The following PCDH15 variants were observed in gnomAD, a reference collection of about 807,000 sequenced individuals.
The protein encoded by PCDH15 is protocadherin related 15, also known as protocadherin-15.
Under a neutral mutation model 178.5 loss-of-function variants are expected in PCDH15, and 129 were observed. The observed-to-expected ratio is 0.72, with a 90% CI of 0.63 to 0.84. PCDH15 has a LOEUF of 0.84. Among genes scored for constraint, PCDH15 ranks in the 40% least tolerant of loss-of-function variants. The probability of loss-of-function intolerance (pLI) is 0.00; values close to 1 mark genes in which losing one functional copy is unlikely to be tolerated. For missense variants in PCDH15, 2,230 were observed against 2,099.9 expected, an observed-to-expected ratio of 1.06 and a Z score of -1.21; for synonymous variants, 800 against 732.0, an observed-to-expected ratio of 1.09 and a Z score of -1.50.
chr10:53,981,794 G>A (rs2090665063), intron 21 of PCDH15, among the ~76,000 whole-genome samples: 2 of 151,642 alleles, frequency 1.3e-5, no homozygotes, highest in South Asian at 2.1e-4. Context: ...AAAAGCAATG[G>A]CAACAAAAGG....
chr10:55,432,119 A>G (rs558912502), intron 2 of PCDH15, among the ~76,000 whole-genome samples: 2 of 151,760 alleles, frequency 1.3e-5, no homozygotes, highest in South Asian at 4.2e-4. Flanking sequence ...ACACACCACA[A>G]GTCTCTCCAA....
intron 2 of PCDH15, among the ~76,000 whole-genome samples, chr10:55,005,024 A>G (rs1290389344): frequency 6.6e-6 from 1 of 152,016 alleles, no homozygotes; most frequent in Non-Finnish European, 1.5e-5. Context: ...AAATTTTTAG[A>G]CTTGATAAAA....
At chr10:53,929,116 A>G (rs547088325) in intron 25 of PCDH15, among the ~76,000 whole-genome samples, 9 of 151,858 alleles carry the variant, frequency 5.9e-5, no homozygotes, top group African/African-American at 2.2e-4. Context: ...ATTATATATC[A>G]TTGTCATCAG....
intron 21 of PCDH15, among the ~76,000 whole-genome samples, chr10:53,981,136 C>T (rs1180309548): frequency 6.6e-6 from 1 of 152,064 alleles, no homozygotes; most frequent in East Asian, 1.9e-4. Context: ...TATAATTCTA[C>T]AGAGTAATAA....
chr10:53,832,679 GA>G (rs1483445687), intron 29 of PCDH15, among the ~76,000 whole-genome samples: 1 of 150,654 alleles, frequency 6.6e-6, no homozygotes. Flanking sequence ...AAATGCAAAA[GA>G]AAAAATTAAA....
At chr10:55,548,401 T>C (rs537354611) in intron 2 of PCDH15, among the ~76,000 whole-genome samples, 1 of 152,172 alleles carries the variant, frequency 6.6e-6, no homozygotes, top group South Asian at 2.1e-4. Flanking sequence ...CTTGTTTCAA[T>C]CCCAAGGAAT....
intron 25 of PCDH15, among the ~76,000 whole-genome samples, chr10:53,924,272 A>T (rs2133907786): frequency 6.6e-6 from 1 of 152,344 alleles, no homozygotes; most frequent in Middle Eastern, 3.4e-3. Context: ...CTCCGCACTC[A>T]GAGCGGCCGG....
chr10:55,066,389 AT>A (rs926186494), intron 2 of PCDH15, among the ~76,000 whole-genome samples: 19 of 149,212 alleles, frequency 1.3e-4, no homozygotes, highest in East Asian at 3.9e-4. Context: ...AGTAACATTT[AT>A]TTTTTTTTAA....
At chr10:54,699,383 G>T (rs1198207473) in intron 1 of PCDH15, among the ~76,000 whole-genome samples, 1 of 152,050 alleles carries the variant, frequency 6.6e-6, no homozygotes, top group Non-Finnish European at 1.5e-5. Flanking sequence ...TAGATGTCAT[G>T]TAAACTGAAT....
At chr10:53,930,351 G>A (rs959208187) in intron 25 of PCDH15, among the ~76,000 whole-genome samples, 3 of 149,002 alleles carry the variant, frequency 2.0e-5, no homozygotes, top group African/African-American at 4.9e-5. Flanking sequence ...CCAGCTACTC[G>A]GGAGGCTGAG....
intron 2 of PCDH15, among the ~76,000 whole-genome samples, chr10:55,107,584 T>C (rs568703408): frequency 6.8e-6 from 1 of 146,392 alleles, no homozygotes; most frequent in South Asian, 2.2e-4. Context: ...CTCTGCCTCC[T>C]GGGTTCAAGC....
intron 8 of PCDH15, among the ~76,000 whole-genome samples, chr10:54,256,238 C>A (rs1161923569): frequency 6.6e-6 from 1 of 151,992 alleles, no homozygotes; most frequent in East Asian, 1.9e-4. Context: ...TCACCTAAGA[C>A]CCTGGAGTGC....
chr10:54,661,293 T>C (rs2094486757), intron 2 of PCDH15, among the ~76,000 whole-genome samples: 1 of 151,942 alleles, frequency 6.6e-6, no homozygotes, highest in African/African-American at 2.4e-5. Context: ...ATTTCATTTA[T>C]AATAGACACA....
rs1411262816 is a variant in PCDH15 at position 53,840,339 on chromosome 10, C to G, written c.3964G>C (p.Asp1322His). ...ACTTACTTAAAAAGCTCATTTCTAT[C>G]GATGGCTCTGTTGGTTTGGGGGTCA... The part of the protein sequence containing the change: ...AIDPQTNRAI[D>H]RNELFKFLDG... The change falls in exon 29 of 38, where the codon GAT (aspartate) becomes CAT (histidine). Residue 1322 changes from aspartate (D) to histidine (H), a missense_variant. Asp to His is a moderately conservative substitution (Grantham distance 81). Transcript: ENST00000644397. 3.1e-6 allele frequency: 5 copies of G among 1,614,042 alleles called. No individual in the cohort carries two copies. Among genetic ancestry groups the G allele is most frequent in the East Asian group, 4.5e-5 (2 of 44,888 alleles).
Position 55,084,685 on chromosome 10 carries a change from G to T in PCDH15, c.-80+81891C>A, listed in dbSNP as rs1241363762. On this transcript the variant is annotated intron_variant, in intron 2 of 5. Transcript: ENST00000458638. ...TTTGCTAACTATCCATCTAACAAGG[G>T]ATTAATAACCAGAATATATAAGGAG... Among the ~76,000 whole-genome samples the T allele has an allele frequency of 3.3e-5, 5 of 151,932 alleles. No individual in the cohort carries two copies. In the East Asian group the frequency reaches 7.7e-4, roughly 23 times the overall value.
intron 2 of PCDH15, among the ~76,000 whole-genome samples, chr10:54,914,931 A>C (rs2131838302): frequency 6.6e-6 from 1 of 152,352 alleles, no homozygotes; most frequent in East Asian, 1.9e-4. Context: ...GCAGAGCAGA[A>C]AAAGCAAAGA....
chr10:54,268,511 T>C (rs965112995), intron 8 of PCDH15, among the ~76,000 whole-genome samples: 2 of 151,946 alleles, frequency 1.3e-5, no homozygotes, highest in African/African-American at 2.4e-5. Context: ...GAATCAACAT[T>C]GGTTTCCAAC....
At chr10:53,918,713 AACACAC>A (rs5741702) in intron 25 of PCDH15, among the ~76,000 whole-genome samples, 5,477 of 146,828 alleles carry the variant, frequency 0.037, 82 homozygotes, top group African/African-American at 0.043. Flanking sequence ...CAAATACACA[AACACAC>A]ACACACACAC....
Position 53,846,712 on chromosome 10 carries a change from A to G in PCDH15, c.3807-6216T>C, listed in dbSNP as rs571947222. 5.1e-4 allele frequency among the ~76,000 whole-genome samples: 77 copies of G among 152,174 alleles called. 2 individuals carry two copies. The South Asian group carries it at 0.014, about 28-fold the overall frequency. ...TATACATCTTCAATTAGTTTCAACT[A>G]GAAATTGCATTATGAAAAACTGTAG... On this transcript the variant is annotated intron_variant, in intron 28 of 37. Transcript: ENST00000644397.
Sources: gnomAD v4.1 joint callset for allele counts (sites outside exome capture counted in the v4.1 genomes callset) on GRCh38, gnomAD v4.1.1 for gene constraint, MANE v1.5 for transcripts, NCBI Gene and HGNC (gene_info 2026-07-23, HGNC 2026-07-21) for gene names.